The following PEX12 variants were observed in gnomAD, a reference collection of about 807,000 sequenced individuals.
PEX12 encodes peroxisomal biogenesis factor 12.
Under a neutral mutation model 32.5 loss-of-function variants are expected in PEX12, and 31 were observed. That is an observed-to-expected ratio of 0.95 (90% CI 0.72 to 1.29). The LOEUF (loss-of-function observed/expected upper bound fraction) is 1.29, where lower values mean the gene tolerates loss of function less well. PEX12 is among the 50% of genes most tolerant of loss of function. The probability of loss-of-function intolerance (pLI) is 0.00; values close to 1 mark genes in which losing one functional copy is unlikely to be tolerated. For missense variants in PEX12, 359 were observed against 419.0 expected (o/e 0.86, Z 1.25); for synonymous variants, 148 against 157.2 (o/e 0.94, Z 0.44).
At position 35,575,535 on chromosome 17, in the gene PEX12, C is replaced by G. The variant is rs2072779630; in HGVS notation, c.*247G>C. 2 of 528,188 alleles carry G rather than the reference C, an allele frequency of 3.8e-6. No individual in the cohort carries two copies. Among genetic ancestry groups the G allele is most frequent in the African/African-American group, 3.8e-5 (2 of 52,380 alleles). 32.7% of individuals were successfully genotyped at this position (528,188 alleles called of 1,614,324 possible). On this transcript the variant is annotated 3_prime_UTR_variant, in exon 3 of 3. Coordinates refer to ENST00000225873, the MANE Select transcript of PEX12 (RefSeq NM_000286.3). ...TCTGTTTAATCTCTACACTGGCCCT[C>G]ATATCCCCTGCCAGTCCTGATCCTT... is the stretch of plus-strand genomic sequence containing the variant.
intron 2 of PEX12, 72 bp downstream of exon 2, chr17:35,576,966 G>T: frequency 7.3e-7 from 1 of 1,376,574 alleles, no homozygotes; most frequent in Non-Finnish European, 1.0e-6. Flanking sequence ...ACAGGGAGGT[G>T]AATTTTACAA....
Position 35,577,327 on chromosome 17 carries a change from C to G in PEX12, c.391G>C (p.Glu131Gln). 6.2e-7 allele frequency: 1 copy of G among 1,614,170 alleles called. No individual in the cohort carries two copies. The highest frequency in any genetic ancestry group is 8.5e-7 in the Non-Finnish European group (1 of 1,180,018). The part of the protein sequence containing the change: ...VLLPYLKVKL[E>Q]KLVSSLREED... ...TCTCTCAGGCTAGAAACCAGCTTCT[C>G]CAGCTTCACTTTCAGATAGGGAAGA... Residue 131 changes from glutamate to glutamine, a missense_variant, in exon 2 of 3, where the codon GAG becomes CAG. Coordinates refer to ENST00000225873, the MANE Select transcript of PEX12 (RefSeq NM_000286.3).
Position 35,575,607 on chromosome 17 carries a change from G to T in PEX12, c.*175C>A. On this transcript the variant is annotated 3_prime_UTR_variant, in exon 3 of 3. Coordinates refer to ENST00000225873, the MANE Select transcript of PEX12 (RefSeq NM_000286.3). ...ACTGTAAGTAGGGTTCTAGAGAGCA[G>T]GCTAAAAGGTTAGGATCAAATGGGC... 1 of 690,870 alleles carries T rather than the reference G, an allele frequency of 1.4e-6. No homozygotes were observed. Among genetic ancestry groups the T allele is most frequent in the Non-Finnish European group, 2.6e-6 (1 of 390,834 alleles). The allele number at this position is 690,870 out of a possible 1,614,324, so 42.8% of individuals were successfully genotyped here.
chr17:35,575,879 C>T lies in PEX12; in HGVS notation c.983G>A (p.Cys328Tyr). The change falls in exon 3 of 3, where the codon TGT (cysteine) becomes TAT (tyrosine). Residue 328 changes from cysteine (C) to tyrosine (Y), a missense_variant. Physicochemically the swap from Cys to Tyr is radical, Grantham distance 194 (BLOSUM62 -2). Coordinates refer to ENST00000225873, the MANE Select transcript of PEX12 (RefSeq NM_000286.3). ...ATSGYVFCYR[C>Y]VFHYVRSHQA... ...GTGACTCCTCACATAATGAAACACA[C>T]AGCGGTAACAAAACACATAGCCAGA... 1.2e-6 allele frequency: 2 copies of T among 1,614,180 alleles called. No individual in the cohort carries two copies. The highest frequency in any genetic ancestry group is 8.5e-7 in the Non-Finnish European group (1 of 1,180,034).
Position 35,575,973 on chromosome 17 carries a change from A to C in PEX12, c.889T>G (p.Leu297Val), listed in dbSNP as rs774415243. 1.5e-5 allele frequency: 25 copies of C among 1,613,688 alleles called. No homozygotes were observed. Among genetic ancestry groups the C allele is most frequent in the Middle Eastern group, 1.6e-4 (1 of 6,084 alleles). ...GGGCACACAGTCTTCATTTTGGGTA[A>C]GAGGGGAGAATCAGAGTTATAGTCT... ...HLDYNSDSPL[L>V]PKMKTVCPLC... is the part of the protein sequence containing the mutation. Residue 297 changes from leucine to valine, a missense_variant, in exon 3 of 3, where the codon TTA (leucine) becomes GTA (valine). Coordinates refer to ENST00000225873, the MANE Select transcript of PEX12 (RefSeq NM_000286.3).
intron 1 of PEX12, 149 bp downstream of exon 1, chr17:35,577,747 A>G (rs965761597): frequency 3.1e-6 from 4 of 1,302,312 alleles, no homozygotes; most frequent in Admixed American, 1.7e-5. Context: ...GTCTCTACAC[A>G]TAACAGAGAC....
Position 35,577,404 on chromosome 17 carries a change from C to G in PEX12, c.314G>C (p.Ser105Thr). 2 of 1,614,204 alleles carry G rather than the reference C, an allele frequency of 1.2e-6. No homozygotes were observed. The highest frequency in any genetic ancestry group is 1.7e-6 in the Non-Finnish European group (2 of 1,180,030). The change falls in exon 2 of 3, where the codon AGT becomes ACT. Residue 105 changes from serine (S) to threonine (T), a missense_variant. Transcript: ENST00000225873. ...GDTHKSQRLASAGLPKQQLWK... is the reference protein window; with the variant it reads ...GDTHKSQRLATAGLPKQQLWK... ...AAGCTGCTGCTTTGGGAGACCAGCACTAGCCAATCTCTGAGACTTGTGAGT... is the reference window on the plus strand; with the variant it reads ...AAGCTGCTGCTTTGGGAGACCAGCAGTAGCCAATCTCTGAGACTTGTGAGT...
At position 35,577,343 on chromosome 17, in the gene PEX12, A is replaced by G. The variant is rs1451972501; in HGVS notation, c.375T>C (p.Tyr125=). The G allele has an allele frequency of 6.2e-7, 1 of 1,614,132 alleles. No individual in the cohort carries two copies. Among genetic ancestry groups the G allele is most frequent in the East Asian group, 2.2e-5 (1 of 44,882 alleles). ...CCAGCTTCTCCAGCTTCACTTTCAGATAGGGAAGAAGAACCAGGAACATAA... is the reference window on the plus strand; with the variant it reads ...CCAGCTTCTCCAGCTTCACTTTCAGGTAGGGAAGAAGAACCAGGAACATAA... ...KSIMFLVLLP[Y]LKVKLEKLVS... is the part of the protein sequence containing the mutation. The change falls in exon 2 of 3, where the codon TAT becomes TAC. Residue 125 remains tyrosine, a synonymous_variant. Coordinates refer to ENST00000225873, the MANE Select transcript of PEX12 (RefSeq NM_000286.3).
chr17:35,576,196 G>C lies in PEX12; in HGVS notation c.681-15C>G, dbSNP rs371906447. 2.3e-5 allele frequency: 37 copies of C among 1,612,946 alleles called. No individual in the cohort carries two copies. The highest frequency in any genetic ancestry group is 3.1e-5 in the Non-Finnish European group (37 of 1,179,358). On this transcript the variant is annotated splice_polypyrimidine_tract_variant and intron_variant, in intron 2 of 2. Coordinates refer to ENST00000225873, the MANE Select transcript of PEX12 (RefSeq NM_000286.3). ...TCTCACTAACACTGTTGGGAGAAAA[G>C]AACAAGGAGGCAAAGAGAGAAACTT...
rs753823640 is a variant in PEX12 at position 35,577,632 on chromosome 17, C to T, written c.127-41G>A. On this transcript the variant is annotated intron_variant, in intron 1 of 2. Coordinates refer to ENST00000225873, the MANE Select transcript of PEX12 (RefSeq NM_000286.3). ...GCAATAAGTGAAATTCATTCCATTACACAAGTTCTACACCTATTTACATTC... is the reference window on the plus strand; with the variant it reads ...GCAATAAGTGAAATTCATTCCATTATACAAGTTCTACACCTATTTACATTC... The T allele has an allele frequency of 1.1e-5, 17 of 1,573,194 alleles. No individual in the cohort carries two copies. The African/African-American group carries it at 1.6e-4, about 15-fold the overall frequency.
chr17:35,578,529 A>G lies in PEX12; in HGVS notation c.-508T>C, dbSNP rs942864141. On this transcript the variant is annotated 5_prime_UTR_variant, in exon 1 of 3. Transcript: ENST00000225873. ...CGCTGACCCCAGGCGAGGCGCAAAC[A>G]ACCCACGACGCCACGTTTGAAGGGA... is the stretch of plus-strand genomic sequence containing the variant. 1.3e-5 allele frequency: 3 copies of G among 228,282 alleles called. No homozygotes were observed. The highest frequency in any genetic ancestry group is 5.2e-5 in the Admixed American group (1 of 19,372). 14.1% of individuals were successfully genotyped at this position (228,282 alleles called of 1,614,324 possible).
In PEX12 at chr17:35,578,134, CATG is replaced by C. The variant is rs1290698325; in HGVS notation, c.-116_-114del. 32 of 1,348,922 alleles carry C rather than the reference CATG, an allele frequency of 2.4e-5. No homozygotes were observed. Among genetic ancestry groups the C allele is most frequent in the Middle Eastern group, 1.8e-4 (1 of 5,538 alleles). The allele number at this position is 1,348,922 out of a possible 1,614,324, so 83.6% of individuals were successfully genotyped here. On this transcript the variant is annotated 5_prime_UTR_variant, in exon 1 of 3. In the 5' UTR this introduces an upstream ATG that the reference lacks. Coordinates refer to ENST00000225873, the MANE Select transcript of PEX12 (RefSeq NM_000286.3). Reference sequence around the variant, plus strand: ...CTCAGTCTTAAAGGTAAACTTTCTGCATGATATCTGAAACTCGAAACTCAATCT... The same window carrying C: ...CTCAGTCTTAAAGGTAAACTTTCTGCATATCTGAAACTCGAAACTCAATCT...
chr17:35,578,180 T>A lies in PEX12; in HGVS notation c.-159A>T. On this transcript the variant is annotated 5_prime_UTR_variant, in exon 1 of 3. Coordinates refer to ENST00000225873, the MANE Select transcript of PEX12 (RefSeq NM_000286.3). ...CTCAATCTTATGGGCAAAAATGAAC[T>A]GGGAAAAAAAGACCTGGAGGCCGAG... 1.1e-6 allele frequency: 1 copy of A among 943,906 alleles called. No individual in the cohort carries two copies. The allele number at this position is 943,906 out of a possible 1,614,324, so 58.5% of individuals were successfully genotyped here.
chr17:35,575,032 T>C lies in PEX12; in HGVS notation c.*750A>G, dbSNP rs148895599. On this transcript the variant is annotated 3_prime_UTR_variant, in exon 3 of 3. Coordinates refer to ENST00000225873, the MANE Select transcript of PEX12 (RefSeq NM_000286.3). ...TTAGATTAGTATTTTGCTTCATGTC[T>C]TCATTGCTTGTTAGCTTTGCTTTTA... 5.8e-4 allele frequency: 89 copies of C among 152,734 alleles called. No homozygotes were observed. Among genetic ancestry groups the C allele is most frequent in the African/African-American group, 2.0e-3 (85 of 41,574 alleles). The allele number at this position is 152,734 out of a possible 1,614,324, so 9.5% of individuals were successfully genotyped here. A position where few individuals can be genotyped will look rare whatever the true frequency, so the allele number is the denominator to read the frequency against.
rs749653922 is a variant in PEX12, at chr17:35,577,497, T to TA, written c.220dup (p.Tyr74LeufsTer4). ...AAATGAGGCACTGGTTCTAGACAGA[T>TA]AATGTTGCTGGAGCAGAAGATCTAG... On this transcript the variant is annotated frameshift_variant, in exon 2 of 3. Coordinates refer to ENST00000225873, the MANE Select transcript of PEX12 (RefSeq NM_000286.3). LOFTEE classifies it high-confidence loss of function. The TA allele has an allele frequency of 1.2e-6, 2 of 1,613,908 alleles. No homozygotes were observed. Among genetic ancestry groups the TA allele is most frequent in the Non-Finnish European group, 1.7e-6 (2 of 1,180,006 alleles).
At position 35,575,573 on chromosome 17, in the gene PEX12, G is replaced by T; in HGVS notation, c.*209C>A. 1.7e-6 allele frequency: 1 copy of T among 597,456 alleles called. No individual in the cohort carries two copies. The highest frequency in any genetic ancestry group is 1.9e-5 in the South Asian group (1 of 53,934). 37.0% of individuals were successfully genotyped at this position (597,456 alleles called of 1,614,324 possible). ...AGTCCTGATCCTTCTACTTTAAGCA[G>T]CTTGGTCAACTGTAAGTAGGGTTCT... On this transcript the variant is annotated 3_prime_UTR_variant, in exon 3 of 3. Coordinates refer to ENST00000225873, the MANE Select transcript of PEX12 (RefSeq NM_000286.3).
At position 35,578,029 on chromosome 17, in the gene PEX12, T is replaced by C; in HGVS notation, c.-8A>G. 1.2e-6 allele frequency: 2 copies of C among 1,614,106 alleles called. No individual in the cohort carries two copies. Among genetic ancestry groups the C allele is most frequent in the East Asian group, 2.2e-5 (1 of 44,878 alleles). ...AGCCCCGTGCTCAGCCATAGTTTCCTGCGTGTACTGGCTTTCACTTTTCCC... is the reference window on the plus strand; with the variant it reads ...AGCCCCGTGCTCAGCCATAGTTTCCCGCGTGTACTGGCTTTCACTTTTCCC... On this transcript the variant is annotated 5_prime_UTR_variant, in exon 1 of 3. Coordinates refer to ENST00000225873, the MANE Select transcript of PEX12 (RefSeq NM_000286.3).
chr17:35,577,654 A>G (rs988859283), intron 1 of PEX12, 63 bp from the exon 2 acceptor site: 2 of 1,500,196 alleles, frequency 1.3e-6, no homozygotes, highest in South Asian at 1.1e-5. Flanking sequence ...ACCTATTTAC[A>G]TTCCCCCTTT....
rs2142228671 is a variant in PEX12 at position 35,575,764 on chromosome 17, A to G, written c.*18T>C. The G allele has an allele frequency of 6.2e-7, 1 of 1,613,134 alleles. No individual in the cohort carries two copies. Among genetic ancestry groups the G allele is most frequent in the Non-Finnish European group, 8.5e-7 (1 of 1,179,034 alleles). ...ACAGCGCAATACTTTTGTTGTGAGG[A>G]TAAGACATGATTCCCTTTCAGTTCT... is the stretch of plus-strand genomic sequence containing the variant. On this transcript the variant is annotated 3_prime_UTR_variant, in exon 3 of 3. Coordinates refer to ENST00000225873, the MANE Select transcript of PEX12 (RefSeq NM_000286.3).
Sources: allele counts gnomAD v4.1 joint callset, GRCh38; gene constraint gnomAD v4.1.1; transcripts MANE v1.5; gene names NCBI Gene and HGNC (gene_info 2026-07-23, HGNC 2026-07-21).